SPIDR: variants seen among roughly 807,000 people sequenced by gnomAD.
SPIDR encodes the protein scaffold protein involved in DNA repair.
A neutral mutation model predicts 104.6 loss-of-function variants in SPIDR; 93 were observed. The observed-to-expected ratio is 0.89, with a 90% CI of 0.75 to 1.06. The LOEUF (loss-of-function observed/expected upper bound fraction) is 1.06. Among genes scored for constraint, SPIDR ranks in the 50% least tolerant of loss-of-function variants. SPIDR has a pLI of 0.00. For missense variants in SPIDR, 1,154 were observed against 1,111.2 expected (o/e 1.04, Z -0.55); for synonymous variants, 431 against 416.9 (o/e 1.03, Z -0.41).
chr8:47,458,959 A>T (rs782776097), intron 8 of SPIDR, among the ~76,000 whole-genome samples: 1 of 152,090 alleles, frequency 6.6e-6, no homozygotes, highest in African/African-American at 2.4e-5. Flanking sequence ...TGATTTGCAT[A>T]TGTTAAATTG....
intron 8 of SPIDR, among the ~76,000 whole-genome samples, chr8:47,454,583 A>C (rs1276934452): frequency 6.6e-6 from 1 of 152,162 alleles, no homozygotes; most frequent in African/African-American, 2.4e-5. Context: ...ATGTGTACAT[A>C]TGTAACAAAC....
rs587659971 is a variant in SPIDR, at chr8:47,312,199, T to C, written c.525+18169T>C. Among the ~76,000 whole-genome samples, 6 of 152,342 alleles carry C rather than the reference T, an allele frequency of 3.9e-5. No homozygotes were observed. In the East Asian group the frequency reaches 1.2e-3, roughly 29 times the overall value. On this transcript the variant is annotated intron_variant, in intron 5 of 19. Coordinates refer to ENST00000297423, the MANE Select transcript of SPIDR (RefSeq NM_001080394.4). ...AAACATAGGTGTGCGTGTGTCTTTA[T>C]AGCAGCATGATTTATAGTCCTTTGG...
intron 5 of SPIDR, among the ~76,000 whole-genome samples, chr8:47,336,740 G>A (rs2049837074): frequency 6.6e-6 from 1 of 152,188 alleles, no homozygotes. Context: ...AAAAAACTGT[G>A]GGACTGTTGG....
intron 1 of SPIDR, among the ~76,000 whole-genome samples, chr8:47,277,301 TTTATGTTATGTTTG>T (rs1324449889): frequency 1.7e-4 from 25 of 150,314 alleles, no homozygotes; most frequent in East Asian, 5.9e-4. Flanking sequence ...TTTATTTTAA[TTTATGTTATGTTTG>T]TTATGTTATG....
chr8:47,335,985 G>C (rs1476440758), intron 5 of SPIDR, among the ~76,000 whole-genome samples: 2 of 151,632 alleles, frequency 1.3e-5, no homozygotes, highest in Non-Finnish European at 2.9e-5. Flanking sequence ...TCTGTGTGTG[G>C]TTTGGTGTGT....
chr8:47,392,428 G>C (rs1261433846), intron 5 of SPIDR, among the ~76,000 whole-genome samples: 1 of 152,176 alleles, frequency 6.6e-6, no homozygotes, highest in Non-Finnish European at 1.5e-5. Context: ...TTTAAATTGG[G>C]TATAAGGATG....
intron 8 of SPIDR, among the ~76,000 whole-genome samples, chr8:47,552,818 TA>T (rs1554791096): frequency 1.3e-5 from 2 of 152,200 alleles, no homozygotes; most frequent in Non-Finnish European, 2.9e-5. Context: ...GTTAGCTGGT[TA>T]TTTTGCTCAT....
At chr8:47,334,595 A>G (rs1163199090) in intron 5 of SPIDR, among the ~76,000 whole-genome samples, 2 of 152,086 alleles carry the variant, frequency 1.3e-5, no homozygotes, top group African/African-American at 4.8e-5. Context: ...TCTTTGGTTA[A>G]TGTTAGCATG....
At chr8:47,504,857 A>G (rs1647017124) in intron 8 of SPIDR, among the ~76,000 whole-genome samples, 1 of 152,192 alleles carries the variant, frequency 6.6e-6, no homozygotes, top group Non-Finnish European at 1.5e-5. Context: ...AACAGTCAGG[A>G]CCCTCAGCTG....
At chr8:47,356,641 A>C (rs1434354457) in intron 5 of SPIDR, among the ~76,000 whole-genome samples, 1 of 152,226 alleles carries the variant, frequency 6.6e-6, no homozygotes, top group Non-Finnish European at 1.5e-5. Flanking sequence ...CCATGGGTTG[A>C]CTATGTGGCT....
intron 14 of SPIDR, among the ~76,000 whole-genome samples, chr8:47,707,106 T>G (rs569966715): frequency 2.0e-5 from 3 of 152,048 alleles, no homozygotes; most frequent in Admixed American, 2.0e-4. Flanking sequence ...TACAAAAAAT[T>G]AGCTGGGTAT....
chr8:47,274,613 T>G (rs1448242023), intron 1 of SPIDR, among the ~76,000 whole-genome samples: 1 of 151,690 alleles, frequency 6.6e-6, no homozygotes, highest in African/African-American at 2.4e-5. Context: ...AGTCTCGCTC[T>G]ATCACCCATG....
intron 11 of SPIDR, among the ~76,000 whole-genome samples, chr8:47,678,684 C>T (rs1371518212): frequency 6.6e-6 from 1 of 152,108 alleles, no homozygotes; most frequent in African/African-American, 2.4e-5. Flanking sequence ...GAAGGGAGAA[C>T]AAGCTCCCAG....
intron 4 of SPIDR, 92 bp from the exon 5 acceptor site, chr8:47,293,775 T>G: frequency 1.5e-6 from 2 of 1,291,252 alleles, no homozygotes; most frequent in Non-Finnish European, 2.1e-6. Context: ...AATTATTGAG[T>G]GACATGGATA....
intron 8 of SPIDR, among the ~76,000 whole-genome samples, chr8:47,518,787 C>A (rs561422709): frequency 1.1e-3 from 174 of 152,200 alleles, no homozygotes; most frequent in African/African-American, 4.1e-3. Context: ...CAGGCGCCTG[C>A]CACCACGCCT....
chr8:47,685,503 TTA>T (rs1404691418), intron 11 of SPIDR, among the ~76,000 whole-genome samples: 4 of 134,380 alleles, frequency 3.0e-5, no homozygotes, highest in Non-Finnish European at 6.8e-5. Context: ...ATTTATTTAT[TTA>T]TTTATTTATT....
At chr8:47,471,854 A>C (rs2075757782) in intron 8 of SPIDR, among the ~76,000 whole-genome samples, 1 of 152,230 alleles carries the variant, frequency 6.6e-6, no homozygotes, top group African/African-American at 2.4e-5. Flanking sequence ...TTTATAATAA[A>C]ATATTTAGTA....
At chr8:47,521,419 G>A (rs1452729018) in intron 8 of SPIDR, among the ~76,000 whole-genome samples, 1 of 151,132 alleles carries the variant, frequency 6.6e-6, no homozygotes, top group Non-Finnish European at 1.5e-5. Flanking sequence ...ATACCCAGTC[G>A]TTTTGTTGTG....
intron 16 of SPIDR, among the ~76,000 whole-genome samples, chr8:47,714,189 C>T (rs2082257048): frequency 6.6e-6 from 1 of 152,060 alleles, no homozygotes; most frequent in African/African-American, 2.4e-5. Context: ...GATGTCCTCC[C>T]TGCAGAGCAG....
Sources: allele counts gnomAD v4.1 joint callset (sites outside exome capture counted in the v4.1 genomes callset), GRCh38; gene constraint gnomAD v4.1.1; transcripts MANE v1.5; gene names NCBI Gene and HGNC (gene_info 2026-07-23, HGNC 2026-07-21).